Variants in CCBE1 observed in about 807,000 individuals in gnomAD.
The protein encoded by CCBE1 is collagen and calcium binding EGF domains 1.
In CCBE1, 37 loss-of-function variants were observed where a neutral mutation model predicts 50.0. That is an observed-to-expected ratio of 0.74 (90% CI 0.57 to 0.97). The LOEUF (loss-of-function observed/expected upper bound fraction) is 0.97, where lower values mean the gene tolerates loss of function less well. Ranked by LOEUF, CCBE1 falls within the 50% of genes least tolerant of loss-of-function variation. The pLI is 0.00. For synonymous variants in CCBE1, 234 were observed against 203.7 expected, an observed-to-expected ratio of 1.15 and a Z score of -1.27; for missense variants, 538 against 523.8, an observed-to-expected ratio of 1.03 and a Z score of -0.26.
At chr18:59,560,869 G>A (rs894996637) in intron 2 of CCBE1, among the ~76,000 whole-genome samples, 14 of 152,304 alleles carry the variant, frequency 9.2e-5, no homozygotes, top group African/African-American at 2.4e-4. Flanking sequence ...CCTACTTAGA[G>A]CAGTGAAGCA....
chr18:59,485,272 A>C (rs1912761396), intron 2 of CCBE1, among the ~76,000 whole-genome samples: 1 of 152,200 alleles, frequency 6.6e-6, no homozygotes. Context: ...AAATAAATAA[A>C]TAAAAGTCGT....
chr18:59,544,595 T>C (rs1004914057), intron 2 of CCBE1, among the ~76,000 whole-genome samples: 4 of 152,326 alleles, frequency 2.6e-5, no homozygotes, highest in South Asian at 4.1e-4. Context: ...CTCTTTTCCA[T>C]TGGTATGGTT....
At chr18:59,603,307 G>T (rs1262959997) in intron 2 of CCBE1, among the ~76,000 whole-genome samples, 2 of 152,170 alleles carry the variant, frequency 1.3e-5, no homozygotes, top group African/African-American at 2.4e-5. Flanking sequence ...AGTGTTGTGA[G>T]GATTCATGAA....
In CCBE1 at chr18:59,595,114, C is replaced by CAAAAAAAAAAAA. The variant is rs546035209; in HGVS notation, c.212+101503_212+101514dup. 2.3e-3 allele frequency among the ~76,000 whole-genome samples: 168 copies of CAAAAAAAAAAAA among 73,516 alleles called. 1 individual carries two copies. The highest frequency in any genetic ancestry group is 0.02 in the East Asian group (45 of 2,292). The allele number at this position is 73,516 out of a possible 152,430, so 48.2% of individuals were successfully genotyped here. On this transcript the variant is annotated intron_variant, in intron 2 of 10. Coordinates refer to ENST00000439986, the MANE Select transcript of CCBE1 (RefSeq NM_133459.4). Reference sequence around the variant, plus strand: ...CTGGCAACAGAGCGAGACTCTGTCTCAAAAAAAAAAAAAAAAAAATCCATT... The same window carrying CAAAAAAAAAAAA: ...CTGGCAACAGAGCGAGACTCTGTCTCAAAAAAAAAAAAAAAAAAAAAAAAAAAAAAATCCATT...
chr18:59,564,771 C>G (rs1373887010), intron 2 of CCBE1, among the ~76,000 whole-genome samples: 1 of 152,190 alleles, frequency 6.6e-6, no homozygotes, highest in African/African-American at 2.4e-5. Flanking sequence ...AAAGGAGAAA[C>G]TGAAGACCAT....
intron 5 of CCBE1, among the ~76,000 whole-genome samples, chr18:59,459,354 G>A (rs949600303): frequency 2.6e-5 from 4 of 152,180 alleles, no homozygotes; most frequent in Non-Finnish European, 5.9e-5. Context: ...CTACAATAAT[G>A]TCAACATGGA....
intron 2 of CCBE1, among the ~76,000 whole-genome samples, chr18:59,516,300 T>G (rs1914370783): frequency 6.6e-6 from 1 of 152,044 alleles, no homozygotes; most frequent in Non-Finnish European, 1.5e-5. Context: ...GATACCATGA[T>G]GCCAAGGAAA....
At chr18:59,587,811 A>G (rs748364150) in intron 2 of CCBE1, among the ~76,000 whole-genome samples, 3 of 152,256 alleles carry the variant, frequency 2.0e-5, no homozygotes, top group Non-Finnish European at 2.9e-5. Flanking sequence ...AATTACTAAC[A>G]TAAGTTTAGC....
At chr18:59,534,960 A>G (rs535488549) in intron 2 of CCBE1, among the ~76,000 whole-genome samples, 2 of 152,344 alleles carry the variant, frequency 1.3e-5, no homozygotes, top group East Asian at 1.9e-4. Context: ...TAATTCCCAA[A>G]TTGAAAACTA....
chr18:59,504,013 T>C (rs1460444852), intron 2 of CCBE1, among the ~76,000 whole-genome samples: 1 of 152,234 alleles, frequency 6.6e-6, no homozygotes, highest in African/African-American at 2.4e-5. Flanking sequence ...GCCTTGTTCA[T>C]CTTTATCATT....
chr18:59,641,190 G>A (rs2053984114), intron 2 of CCBE1, among the ~76,000 whole-genome samples: 1 of 151,784 alleles, frequency 6.6e-6, no homozygotes, highest in African/African-American at 2.4e-5. Context: ...AGTCACAATA[G>A]CAAATACATG....
At chr18:59,689,250 C>T (rs188549449) in intron 2 of CCBE1, among the ~76,000 whole-genome samples, 1 of 152,304 alleles carries the variant, frequency 6.6e-6, no homozygotes, top group Non-Finnish European at 1.5e-5. Flanking sequence ...CCGTCCCTGT[C>T]ATTCCCAGAG....
intron 2 of CCBE1, among the ~76,000 whole-genome samples, chr18:59,524,729 G>A (rs1474566779): frequency 6.7e-6 from 1 of 149,972 alleles, no homozygotes; most frequent in East Asian, 1.9e-4. Flanking sequence ...GCATGCATTA[G>A]CTATTTATCC....
At chr18:59,537,119 C>G (rs994068541) in intron 2 of CCBE1, among the ~76,000 whole-genome samples, 1 of 152,066 alleles carries the variant, frequency 6.6e-6, no homozygotes, top group Admixed American at 6.6e-5. Context: ...CAGCTAAAGA[C>G]TTAAGAACTA....
At chr18:59,641,349 C>G (rs1365594766) in intron 2 of CCBE1, among the ~76,000 whole-genome samples, 2 of 152,074 alleles carry the variant, frequency 1.3e-5, no homozygotes, top group African/African-American at 4.8e-5. Flanking sequence ...GAACAGAAAA[C>G]CAAGCATTAC....
At chr18:59,453,170 C>G (rs1911021568) in intron 6 of CCBE1, among the ~76,000 whole-genome samples, 1 of 152,200 alleles carries the variant, frequency 6.6e-6, no homozygotes, top group Admixed American at 6.5e-5. Context: ...GAAATAAATT[C>G]CCTAAGGCAC....
intron 3 of CCBE1, among the ~76,000 whole-genome samples, chr18:59,470,360 T>C (rs1288678888): frequency 6.6e-6 from 1 of 152,012 alleles, no homozygotes; most frequent in Non-Finnish European, 1.5e-5. Context: ...ACCAGGTCCC[T>C]CCCATGACAC....
chr18:59,602,819 G>A (rs1049353230), intron 2 of CCBE1, among the ~76,000 whole-genome samples: 2 of 152,186 alleles, frequency 1.3e-5, no homozygotes, highest in African/African-American at 4.8e-5. Context: ...GCTGCTATGC[G>A]CTCTGACAAA....
At chr18:59,688,023 A>G (rs1026954933) in intron 2 of CCBE1, among the ~76,000 whole-genome samples, 2 of 152,326 alleles carry the variant, frequency 1.3e-5, no homozygotes, top group African/African-American at 2.4e-5. Flanking sequence ...TAGTGTTATA[A>G]TATATTTTTA....
Sources: allele counts gnomAD v4.1 joint callset (sites outside exome capture counted in the v4.1 genomes callset), GRCh38; gene constraint gnomAD v4.1.1; transcripts MANE v1.5; gene names NCBI Gene and HGNC (gene_info 2026-07-23, HGNC 2026-07-21).